Variants in COBLL1 observed in about 807,000 individuals in gnomAD.
COBLL1 encodes cordon-bleu protein-like 1.
A neutral mutation model predicts 94.8 loss-of-function variants in COBLL1; 50 were observed. That is an observed-to-expected ratio of 0.53 (90% CI 0.42 to 0.67). COBLL1 has a LOEUF of 0.67. Ranked by LOEUF, COBLL1 falls within the 30% of genes least tolerant of loss-of-function variation. The pLI is 0.00. For missense variants in COBLL1, 1,362 were observed against 1,348.7 expected, an observed-to-expected ratio of 1.01 and a Z score of -0.15; for synonymous variants, 448 against 473.8, an observed-to-expected ratio of 0.95 and a Z score of 0.71.
intron 2 of COBLL1, among the ~76,000 whole-genome samples, chr2:164,823,524 T>G (rs905529355): frequency 2.0e-5 from 3 of 152,112 alleles, no homozygotes; most frequent in African/African-American, 7.2e-5. Context: ...TAACCAGAAC[T>G]CCTCATGTGT....
chr2:164,803,885 C>T (rs1683953673), intron 2 of COBLL1, among the ~76,000 whole-genome samples: 1 of 152,044 alleles, frequency 6.6e-6, no homozygotes, highest in African/African-American at 2.4e-5. Flanking sequence ...AAGGACACAT[C>T]ACACCCAAGT....
intron 2 of COBLL1, chr2:164,800,658 TATTC>T: frequency 1.5e-6 from 1 of 670,796 alleles, no homozygotes. Context: ...ATCTAACTGG[TATTC>T]AATGGGTGAA....
At chr2:164,822,358 G>A (rs1311846687) in intron 2 of COBLL1, among the ~76,000 whole-genome samples, 1 of 152,184 alleles carries the variant, frequency 6.6e-6, no homozygotes, top group East Asian at 1.9e-4. Context: ...TGGCAGCTCT[G>A]CCTCTGTGTC....
intron 2 of COBLL1, among the ~76,000 whole-genome samples, chr2:164,791,106 GA>G (rs1475918884): frequency 2.6e-5 from 4 of 151,898 alleles, no homozygotes; most frequent in Non-Finnish European, 4.4e-5. Context: ...GCCTATCTTT[GA>G]AAAAGTGCAG....
intron 2 of COBLL1, among the ~76,000 whole-genome samples, chr2:164,837,739 T>C (rs535350495): frequency 6.6e-6 from 1 of 152,298 alleles, no homozygotes; most frequent in East Asian, 1.9e-4. Context: ...TAAAGTTGCA[T>C]GCAATCTTTT....
chr2:164,778,582 GAC>G (rs1339131884), intron 2 of COBLL1, among the ~76,000 whole-genome samples: 2 of 152,166 alleles, frequency 1.3e-5, no homozygotes, highest in African/African-American at 4.8e-5. Flanking sequence ...TAGCCTGGGC[GAC>G]AGAGTGAGTG....
chr2:164,679,428 G>C (rs892862553), downstream of COBLL1, among the ~76,000 whole-genome samples: 13 of 151,704 alleles, frequency 8.6e-5, no homozygotes, highest in African/African-American at 3.1e-4. Flanking sequence ...TCATTGCAAA[G>C]GAAAAAAAAA....
chr2:164,663,109 T>G (rs1160919540), intron 2 of COBLL1, among the ~76,000 whole-genome samples: 1 of 152,162 alleles, frequency 6.6e-6, no homozygotes, highest in Non-Finnish European at 1.5e-5. Context: ...ACTTCTAATT[T>G]CCATTTTGTT....
chr2:164,776,284 C>T (rs189381821), intron 2 of COBLL1, among the ~76,000 whole-genome samples: 154 of 152,216 alleles, frequency 1.0e-3, no homozygotes, highest in Non-Finnish European at 4.9e-4. Context: ...AACTCCTTAT[C>T]CTGGTAAAGG....
intron 2 of COBLL1, among the ~76,000 whole-genome samples, chr2:164,785,038 C>T (rs1014812152): frequency 4.6e-5 from 7 of 152,104 alleles, no homozygotes; most frequent in Non-Finnish European, 1.0e-4. Context: ...CTCTCTTGCT[C>T]TTCTGCCTTC....
intron 2 of COBLL1, among the ~76,000 whole-genome samples, chr2:164,764,192 C>T (rs942430460): frequency 6.6e-6 from 1 of 152,208 alleles, no homozygotes; most frequent in Admixed American, 6.5e-5. Context: ...AGCCACCACA[C>T]CCAGCTAGCT....
chr2:164,658,462 A>G (rs1487522503), intron 2 of COBLL1, among the ~76,000 whole-genome samples: 1 of 152,144 alleles, frequency 6.6e-6, no homozygotes, highest in Non-Finnish European at 1.5e-5. Flanking sequence ...CTGGGGCTCC[A>G]TTTGAAGAAC....
rs542590303 is a variant in COBLL1, at chr2:164,732,557, A to G, written c.231-2442T>C. Among the ~76,000 whole-genome samples, 6 of 152,336 alleles carry G rather than the reference A, an allele frequency of 3.9e-5. 1 individual carries two copies. In the South Asian group the frequency reaches 1.0e-3, roughly 26 times the overall value. On this transcript the variant is annotated intron_variant, in intron 3 of 13. Coordinates refer to ENST00000652658, the MANE Select transcript of COBLL1 (RefSeq NM_001365672.2). ...ATTATAAATGCAGTTTAGCTGGAAG[A>G]GAAGAGAACTTTCATTGCCAACTGA...
At chr2:164,720,327 G>C (rs554615374) in intron 7 of COBLL1, among the ~76,000 whole-genome samples, 1 of 152,204 alleles carries the variant, frequency 6.6e-6, no homozygotes, top group South Asian at 2.1e-4. Context: ...TCACAGAGCA[G>C]AGGGAGAGAA....
chr2:164,819,463 C>A (rs563182506), intron 2 of COBLL1, among the ~76,000 whole-genome samples: 62 of 152,064 alleles, frequency 4.1e-4, no homozygotes, highest in Middle Eastern at 3.4e-3. Context: ...AAAATACAAA[C>A]TTAAAATAAT....
intron 7 of COBLL1, among the ~76,000 whole-genome samples, chr2:164,713,844 A>C (rs973325943): frequency 2.0e-5 from 3 of 152,172 alleles, no homozygotes; most frequent in Non-Finnish European, 2.9e-5. Context: ...AGGATTAGAC[A>C]CCGTCATCTC....
intron 2 of COBLL1, among the ~76,000 whole-genome samples, chr2:164,767,332 T>C (rs908468718): frequency 1.3e-5 from 2 of 152,192 alleles, no homozygotes; most frequent in South Asian, 2.1e-4. Flanking sequence ...GAAAATAGTT[T>C]AGGATTAATG....
At position 164,695,621 on chromosome 2, in the gene COBLL1, G is replaced by C; in HGVS notation, c.1771C>G (p.Leu591Val). Residue 591 changes from leucine (L) to valine (V), a missense_variant, in exon 12 of 14, where the codon CTG becomes GTG. Transcript: ENST00000652658. ...LAASSVPDQK[L>V]NQPSAEKTKD... ...GTCTTTTCTGCACTGGGTTGATTCA[G>C]TTTTTGATCTGGTACTGATGAAGCT... 6.2e-7 allele frequency: 1 copy of C among 1,613,854 alleles called. No individual in the cohort carries two copies.
intron 2 of COBLL1, among the ~76,000 whole-genome samples, chr2:164,799,063 A>C (rs562218259): frequency 6.7e-6 from 1 of 149,918 alleles, no homozygotes; most frequent in East Asian, 2.0e-4. Flanking sequence ...GTGGTTGCTT[A>C]CTCTACCTTA....
Sources: allele counts gnomAD v4.1 joint callset (sites outside exome capture counted in the v4.1 genomes callset), GRCh38; gene constraint gnomAD v4.1.1; transcripts MANE v1.5; gene names NCBI Gene and HGNC (gene_info 2026-07-23, HGNC 2026-07-21).